Variants in ALG12 observed in about 807,000 individuals in gnomAD.
The protein encoded by ALG12 is dol-P-Man:Man(7)GlcNAc(2)-PP-Dol alpha-1,6-mannosyltransferase.
Under a neutral mutation model 46.0 loss-of-function variants are expected in ALG12, and 36 were observed. That is an observed-to-expected ratio of 0.78 (90% CI 0.60 to 1.03). The LOEUF (loss-of-function observed/expected upper bound fraction) is 1.03. Ranked by LOEUF, ALG12 falls within the 50% of genes least tolerant of loss-of-function variation. The probability of loss-of-function intolerance (pLI) is 0.00; values close to 1 mark genes in which losing one functional copy is unlikely to be tolerated. For missense variants in ALG12, 599 were observed against 633.5 expected (o/e 0.95, Z 0.58); for synonymous variants, 326 against 291.6 (o/e 1.12, Z -1.20).
At chr22:49,889,401 CTGTT>C in the ALG12 span, 4 of 163,480 alleles carry the variant, frequency 2.4e-5, no homozygotes, top group Non-Finnish European at 4.5e-5. Context: ...AAAATACTCA[CTGTT>C]TGGCCCTTTC....
At chr22:49,864,839 A>AAAAAAAAAAAAAG in the ALG12 span, among the ~76,000 whole-genome samples, 1 of 133,112 alleles carries the variant, frequency 7.5e-6, no homozygotes, top group African/African-American at 3.7e-5. Flanking sequence ...AAAAAAAAAA[A>AAAAAAAAAAAAAG]GCCCTGATTA....
the ALG12 span, chr22:49,883,609 C>G: frequency 6.8e-7 from 1 of 1,472,890 alleles, no homozygotes; most frequent in Non-Finnish European, 9.0e-7. Context: ...CAAATGAGCA[C>G]TTGGATCAGT....
rs1358675464 is a variant in ALG12, at chr22:49,900,792, G to C, written c.*3046C>G. 5 of 152,258 alleles carry C rather than the reference G, an allele frequency of 3.3e-5. No homozygotes were observed. The highest frequency in any genetic ancestry group is 1.2e-4 in the African/African-American group (5 of 41,454). The allele number at this position is 152,258 out of a possible 1,614,324, so 9.4% of individuals were successfully genotyped here. A position where few individuals can be genotyped will look rare whatever the true frequency, so the allele number is the denominator to read the frequency against. Reference sequence around the variant, plus strand: ...CACGGTTCTGTGCTGTTTCAGATCTGTACACACATATTACATATGTACGTG... The same window carrying C: ...CACGGTTCTGTGCTGTTTCAGATCTCTACACACATATTACATATGTACGTG... On this transcript the variant is annotated 3_prime_UTR_variant, in exon 10 of 10. Transcript: ENST00000330817.
rs1437261049 is a variant in ALG12 at position 49,902,230 on chromosome 22, GGT to G, written c.*1606_*1607del. The G allele has an allele frequency of 2.8e-4, 39 of 137,710 alleles. No individual in the cohort carries two copies. The highest frequency in any genetic ancestry group is 2.3e-3 in the Admixed American group (33 of 14,638). The allele number at this position is 137,710 out of a possible 1,614,324, so 8.5% of individuals were successfully genotyped here. A position where few individuals can be genotyped will look rare whatever the true frequency, so the allele number is the denominator to read the frequency against. ...TGTGCACTGTGTGGTGTGTATGCAT[GGT>G]GTGTGCACGTGTGCACTGTGTATGC... On this transcript the variant is annotated 3_prime_UTR_variant, in exon 10 of 10. Coordinates refer to ENST00000330817, the MANE Select transcript of ALG12 (RefSeq NM_024105.4).
the ALG12 span, chr22:49,884,647 A>G: frequency 6.2e-7 from 1 of 1,612,602 alleles, no homozygotes; most frequent in Non-Finnish European, 8.5e-7. Context: ...CTGCCTCATC[A>G]GGCACATGTG....
At chr22:49,884,047 C>T in the ALG12 span, 2 of 1,604,182 alleles carry the variant, frequency 1.2e-6, no homozygotes, top group Non-Finnish European at 1.7e-6. Flanking sequence ...TATCTCTCCC[C>T]GAGACAGCAC....
intron 1 of ALG12, among the ~76,000 whole-genome samples, chr22:49,917,718 TA>T (rs1011615114): frequency 7.9e-5 from 12 of 151,698 alleles, no homozygotes; most frequent in Admixed American, 7.2e-4. Flanking sequence ...TTTTTTTTTT[TA>T]AATGTGCAGT....
chr22:49,917,810 CA>C (rs1173061316), intron 1 of ALG12, among the ~76,000 whole-genome samples: 1 of 149,584 alleles, frequency 6.7e-6, no homozygotes, highest in Non-Finnish European at 1.5e-5. Flanking sequence ...TAATTTAAAC[CA>C]GGGGTTCCTG....
chr22:49,911,517 C>T (rs1028042452), intron 3 of ALG12, among the ~76,000 whole-genome samples: 2 of 152,136 alleles, frequency 1.3e-5, no homozygotes, highest in African/African-American at 4.8e-5. Flanking sequence ...TCACTGCAAC[C>T]TCTGCCTTCC....
rs553028072 is a variant in ALG12 at position 49,909,142 on chromosome 22, T to C, written c.768+102A>G. On this transcript the variant is annotated intron_variant, in intron 6 of 9. Transcript: ENST00000330817. ...CTCCATCCTGACCCTGCAGCCACGC[T>C]GCAGAGAAGGGAGAAGCAGCTGCTT... 1,144 of 1,254,130 alleles carry C rather than the reference T, an allele frequency of 9.1e-4. 6 individuals carry two copies. Among genetic ancestry groups the C allele is most frequent in the Middle Eastern group, 5.2e-3 (20 of 3,846 alleles). The allele number at this position is 1,254,130 out of a possible 1,614,324, so 77.7% of individuals were successfully genotyped here. A position where few individuals can be genotyped will look rare whatever the true frequency, so the allele number is the denominator to read the frequency against.
the ALG12 span, among the ~76,000 whole-genome samples, chr22:49,892,272 G>A: frequency 6.7e-6 from 1 of 149,422 alleles, no homozygotes; most frequent in African/African-American, 2.5e-5. Context: ...ATCCTAGTAA[G>A]ATGAGACTTG....
At chr22:49,878,537 CAGTT>C in the ALG12 span, among the ~76,000 whole-genome samples, 11 of 152,168 alleles carry the variant, frequency 7.2e-5, no homozygotes. Context: ...TGTGTTGGAA[CAGTT>C]AGACATCCAT....
rs1569171747 is a variant in ALG12 at position 49,902,250 on chromosome 22, GTGTATGCATGGTGTGTGCATGTGTGCAC to G, written c.*1560_*1587del. On this transcript the variant is annotated 3_prime_UTR_variant, in exon 10 of 10. Coordinates refer to ENST00000330817, the MANE Select transcript of ALG12 (RefSeq NM_024105.4). ...TGCATGGTGTGTGCACGTGTGCACT[GTGTATGCATGGTGTGTGCATGTGTGCAC>G]TGTATGCATAGTGTGCACGTGTGCA... 13 of 143,010 alleles carry G rather than the reference GTGTATGCATGGTGTGTGCATGTGTGCAC, an allele frequency of 9.1e-5. No individual in the cohort carries two copies. Among genetic ancestry groups the G allele is most frequent in the African/African-American group, 3.4e-4 (12 of 34,938 alleles). 8.9% of individuals were successfully genotyped at this position (143,010 alleles called of 1,614,324 possible). A position where few individuals can be genotyped will look rare whatever the true frequency, so the allele number is the denominator to read the frequency against.
the ALG12 span, chr22:49,883,654 T>C: frequency 6.5e-7 from 1 of 1,547,842 alleles, no homozygotes; most frequent in East Asian, 2.3e-5. Flanking sequence ...GGAGTAGTTA[T>C]GGTCAGTCAT....
At chr22:49,884,136 G>A in the ALG12 span, 2 of 1,613,846 alleles carry the variant, frequency 1.2e-6, no homozygotes, top group Non-Finnish European at 1.7e-6. Flanking sequence ...GTTGTCTCAT[G>A]AGGCACGTGA....
chr22:49,865,211 T>C, the ALG12 span, among the ~76,000 whole-genome samples: 1 of 152,056 alleles, frequency 6.6e-6, no homozygotes, highest in Non-Finnish European at 1.5e-5. Context: ...TGTAGGCATT[T>C]GTAACACCGT....
At chr22:49,909,827 C>T in intron 5 of ALG12, 67 bp downstream of exon 5, 3 of 1,600,688 alleles carry the variant, frequency 1.9e-6, no homozygotes, top group South Asian at 2.2e-5. Flanking sequence ...TCCCAAATTT[C>T]TCTTGACCTT....
chr22:49,885,624 T>A, the ALG12 span: 3 of 1,611,292 alleles, frequency 1.9e-6, no homozygotes, highest in Non-Finnish European at 2.5e-6. Context: ...CTCACCCAGT[T>A]GCCAAAAAAA....
At chr22:49,891,529 A>G in the ALG12 span, among the ~76,000 whole-genome samples, 1 of 152,178 alleles carries the variant, frequency 6.6e-6, no homozygotes, top group Non-Finnish European at 1.5e-5. Context: ...CCTTCTTAAA[A>G]CGAGGTATCT....
Sources: gnomAD v4.1 joint callset for allele counts (sites outside exome capture counted in the v4.1 genomes callset) on GRCh38, gnomAD v4.1.1 for gene constraint, MANE v1.5 for transcripts, NCBI Gene and HGNC (gene_info 2026-07-23, HGNC 2026-07-21) for gene names.